The following SLC7A11 variants were observed in gnomAD, a reference collection of about 807,000 sequenced individuals.
The protein encoded by SLC7A11 is solute carrier family 7 member 11, also known as cystine/glutamate transporter.
Under a neutral mutation model 54.5 loss-of-function variants are expected in SLC7A11, and 35 were observed. The observed-to-expected ratio is 0.64, with a 90% CI of 0.49 to 0.85. The LOEUF (loss-of-function observed/expected upper bound fraction) is 0.85, where lower values mean the gene tolerates loss of function less well. SLC7A11 is among the 40% of genes least tolerant of loss of function. The pLI is 0.00. For synonymous variants in SLC7A11, 230 were observed against 225.2 expected (o/e 1.02, Z -0.19); for missense variants, 583 against 618.1 (o/e 0.94, Z 0.60).
At chr4:138,221,882 A>G (rs1737821996) in intron 4 of SLC7A11, among the ~76,000 whole-genome samples, 1 of 152,224 alleles carries the variant, frequency 6.6e-6, no homozygotes, top group Non-Finnish European at 1.5e-5. Context: ...AGAACAGCCA[A>G]TGACCCAGAG....
chr4:138,173,596 T>C (rs1736491947), intron 11 of SLC7A11, among the ~76,000 whole-genome samples: 3 of 151,232 alleles, frequency 2.0e-5, no homozygotes, highest in African/African-American at 4.9e-5. Flanking sequence ...ATTGCACCAT[T>C]ACACTCCAGC....
At chr4:138,235,323 T>C (rs112035158) in intron 2 of SLC7A11, among the ~76,000 whole-genome samples, 47 of 152,224 alleles carry the variant, frequency 3.1e-4, no homozygotes, top group African/African-American at 1.1e-3. Context: ...TATTATTTCA[T>C]TATAACAATT....
At chr4:138,189,055 G>C (rs1483934555) in intron 6 of SLC7A11, among the ~76,000 whole-genome samples, 2 of 152,032 alleles carry the variant, frequency 1.3e-5, no homozygotes, top group Non-Finnish European at 2.9e-5. Flanking sequence ...TTTCTTATGG[G>C]CTTATTTTAA....
chr4:138,193,170 C>T (rs1288945790), intron 6 of SLC7A11, among the ~76,000 whole-genome samples: 2 of 152,114 alleles, frequency 1.3e-5, no homozygotes, highest in East Asian at 3.9e-4. Flanking sequence ...CTGCTTCTAC[C>T]ACCCAAAATT....
chr4:138,185,132 C>A lies in SLC7A11; in HGVS notation c.904G>T (p.Ala302Ser), dbSNP rs1449947414. The A allele has an allele frequency of 6.2e-6, 10 of 1,612,634 alleles. No individual in the cohort carries two copies. Among genetic ancestry groups the A allele is most frequent in the East Asian group, 2.2e-5 (1 of 44,798 alleles). ...INAEELLLSN[A>S]VAVTFSERLL... ...CAACTTGGACTTACCACTGCCACTG[C>A]ATTTGAAAGCAGCAGCTCCTCAGCA... is the stretch of plus-strand genomic sequence containing the variant. The change falls in exon 7 of 12, where the codon GCA (alanine) becomes TCA (serine). Residue 302 changes from alanine (A) to serine (S), a missense_variant. By Grantham distance (99) the Ala-to-Ser change is moderately conservative. Transcript: ENST00000280612.
intron 6 of SLC7A11, among the ~76,000 whole-genome samples, chr4:138,187,446 C>T (rs570525051): frequency 2.6e-5 from 4 of 152,170 alleles, no homozygotes; most frequent in East Asian, 1.9e-4. Flanking sequence ...ATAAAGTCTT[C>T]GAGAGCTTAA....
rs375627637 is a variant in SLC7A11 at position 138,214,641 on chromosome 4, T to C, written c.747-12A>G. The C allele has an allele frequency of 4.5e-6, 5 of 1,108,448 alleles. No homozygotes were observed. The highest frequency in any genetic ancestry group is 5.4e-5 in the East Asian group (2 of 37,072). The allele number at this position is 1,108,448 out of a possible 1,614,324, so 68.7% of individuals were successfully genotyped here. A position where few individuals can be genotyped will look rare whatever the true frequency, so the allele number is the denominator to read the frequency against. On this transcript the variant is annotated splice_polypyrimidine_tract_variant and intron_variant, in intron 5 of 11. Transcript: ENST00000280612. ...AGTTGAGGTAAAACCTAAAAATAGATAAATAAATTATAAACTATTAATATA... is the reference window on the plus strand; with the variant it reads ...AGTTGAGGTAAAACCTAAAAATAGACAAATAAATTATAAACTATTAATATA...
intron 3 of SLC7A11, among the ~76,000 whole-genome samples, chr4:138,228,083 T>C (rs1416168908): frequency 6.6e-6 from 1 of 152,214 alleles, no homozygotes; most frequent in African/African-American, 2.4e-5. Flanking sequence ...AAAAAGAATA[T>C]AAAGTAATAC....
chr4:138,241,488 T>C (rs1186892013), intron 1 of SLC7A11, among the ~76,000 whole-genome samples: 2 of 151,972 alleles, frequency 1.3e-5, no homozygotes, highest in Non-Finnish European at 2.9e-5. Flanking sequence ...ACAGAAAGTG[T>C]GCATGTTTTT....
intron 3 of SLC7A11, among the ~76,000 whole-genome samples, chr4:138,226,882 T>C (rs955286876): frequency 1.3e-5 from 2 of 152,224 alleles, no homozygotes; most frequent in African/African-American, 2.4e-5. Context: ...TTCTTTTGTA[T>C]GCTCCCCTTA....
chr4:138,207,893 G>A lies in SLC7A11; in HGVS notation c.791+6692C>T, dbSNP rs529508224. Reference sequence around the variant, plus strand: ...TAACGGTTATAAAACTGTCCTACAAGCAATAGGCCTTATAAAACAGTATTG... The same window carrying A: ...TAACGGTTATAAAACTGTCCTACAAACAATAGGCCTTATAAAACAGTATTG... On this transcript the variant is annotated intron_variant, in intron 6 of 11. Coordinates refer to ENST00000280612, the MANE Select transcript of SLC7A11 (RefSeq NM_014331.4). Among the ~76,000 whole-genome samples the A allele has an allele frequency of 2.5e-3, 381 of 152,130 alleles. 1 individual carries two copies. Among genetic ancestry groups the A allele is most frequent in the African/African-American group, 8.9e-3 (371 of 41,532 alleles).
chr4:138,203,902 A>G (rs1486418546), intron 6 of SLC7A11, among the ~76,000 whole-genome samples: 1 of 152,016 alleles, frequency 6.6e-6, no homozygotes, highest in Non-Finnish European at 1.5e-5. Context: ...GAGTTGCTGT[A>G]TCCCCTTATC....
rs574008396 is a variant in SLC7A11 at position 138,187,690 on chromosome 4, T to C, written c.792-2446A>G. Among the ~76,000 whole-genome samples the C allele has an allele frequency of 1.7e-4, 26 of 152,296 alleles. No homozygotes were observed. In the East Asian group the frequency reaches 4.8e-3, roughly 28 times the overall value. On this transcript the variant is annotated intron_variant, in intron 6 of 11. Transcript: ENST00000280612. ...TTCTTTAACACTACAGTTTTATCTA[T>C]CATAAAGAAGGGGGCAAACTGATTT...
chr4:138,172,155 C>T (rs1736442576), intron 11 of SLC7A11, 138 bp from the exon 12 acceptor site: 25 of 869,642 alleles, frequency 2.9e-5, no homozygotes, highest in Non-Finnish European at 4.1e-5. Context: ...GAATTATTTA[C>T]TTCATTAGAA....
At chr4:138,193,403 T>A (rs1327795687) in intron 6 of SLC7A11, among the ~76,000 whole-genome samples, 1 of 152,164 alleles carries the variant, frequency 6.6e-6, no homozygotes, top group East Asian at 1.9e-4. Context: ...AAGAAAGATG[T>A]GTTCCAGTAG....
At chr4:138,200,129 G>C (rs759019782) in intron 6 of SLC7A11, among the ~76,000 whole-genome samples, 1 of 151,832 alleles carries the variant, frequency 6.6e-6, no homozygotes, top group Non-Finnish European at 1.5e-5. Flanking sequence ...TCTTTTACTT[G>C]CCTCAGGCCA....
intron 3 of SLC7A11, among the ~76,000 whole-genome samples, chr4:138,224,534 A>T (rs1323049722): frequency 6.6e-6 from 1 of 152,110 alleles, no homozygotes; most frequent in Non-Finnish European, 1.5e-5. Flanking sequence ...TCACTGCCTG[A>T]TATAGTTACT....
intron 4 of SLC7A11, among the ~76,000 whole-genome samples, chr4:138,221,639 G>C (rs1461792244): frequency 1.3e-5 from 2 of 151,930 alleles, no homozygotes; most frequent in East Asian, 3.9e-4. Flanking sequence ...CTGTATTTTA[G>C]CCACTAAAAA....
At chr4:138,208,472 CAAT>C (rs1737461979) in intron 6 of SLC7A11, among the ~76,000 whole-genome samples, 1 of 152,038 alleles carries the variant, frequency 6.6e-6, no homozygotes, top group Admixed American at 6.6e-5. Flanking sequence ...TTATACATCT[CAAT>C]GATATGTTCT....
Sources: gnomAD v4.1 joint callset for allele counts (sites outside exome capture counted in the v4.1 genomes callset) on GRCh38, gnomAD v4.1.1 for gene constraint, MANE v1.5 for transcripts, NCBI Gene and HGNC (gene_info 2026-07-23, HGNC 2026-07-21) for gene names.